PPFIA2: variants seen among roughly 807,000 people sequenced by gnomAD.
The protein encoded by PPFIA2 is liprin-alpha-2.
PPFIA2 carries 46 observed loss-of-function variants against 175.5 expected under a neutral mutation model. The ratio of observed to expected loss-of-function variants is 0.26; its 90% CI spans 0.21 to 0.34. The LOEUF (loss-of-function observed/expected upper bound fraction) is 0.34. PPFIA2 is among the 10% of genes least tolerant of loss of function. PPFIA2 has a pLI of 1.00. For missense variants in PPFIA2, 1,179 were observed against 1,506.1 expected (o/e 0.78, Z 3.60); for synonymous variants, 568 against 511.4 (o/e 1.11, Z -1.49).
intron 11 of PPFIA2, 185 bp from the exon 12 acceptor site, chr12:81,369,379 T>C (rs2141477259): frequency 6.9e-7 from 1 of 1,446,612 alleles, no homozygotes; most frequent in East Asian, 2.7e-5. Flanking sequence ...CAAAGGCCTG[T>C]TACATCCAAG....
intron 24 of PPFIA2, among the ~76,000 whole-genome samples, chr12:81,290,348 T>C (rs1041712493): frequency 1.3e-5 from 2 of 151,786 alleles, no homozygotes; most frequent in Non-Finnish European, 2.9e-5. Flanking sequence ...TCATTAATAG[T>C]GATTTATGTG....
intron 22 of PPFIA2, among the ~76,000 whole-genome samples, chr12:81,318,766 C>A (rs2052993988): frequency 6.6e-6 from 1 of 151,660 alleles, no homozygotes; most frequent in African/African-American, 2.4e-5. Context: ...GAGTTTTCGG[C>A]ACTTTTCTCA....
At chr12:81,394,557 A>T (rs1596016125) in intron 8 of PPFIA2, among the ~76,000 whole-genome samples, 1 of 152,066 alleles carries the variant, frequency 6.6e-6, no homozygotes. Flanking sequence ...CACAGGAACA[A>T]AAAACCAAAC....
chr12:81,415,191 AAAAAAAAAAAAAAAAAAAAATATAT>A (rs1211122417), intron 7 of PPFIA2, among the ~76,000 whole-genome samples: 7 of 43,178 alleles, frequency 1.6e-4, no homozygotes, highest in East Asian at 1.2e-3. Flanking sequence ...AAAAAAAAAA[AAAAAAAAAAAAAAAAAAAAATATAT>A]ATATATATAT....
Position 81,353,270 on chromosome 12 carries a change from C to G in PPFIA2, c.1843G>C (p.Glu615Gln). 2 of 1,613,748 alleles carry G rather than the reference C, an allele frequency of 1.2e-6. No individual in the cohort carries two copies. The highest frequency in any genetic ancestry group is 1.7e-6 in the Non-Finnish European group (2 of 1,179,802). ...QIGVLSSHPF[E>Q]SDTEMSDIDD... ...ATATCAGACATTTCAGTGTCACTTT[C>G]AAAAGGGTGGCTGCTTAGTACTCCA... Residue 615 changes from glutamate to glutamine, a missense_variant, in exon 17 of 33, where the codon GAA becomes CAA. By Grantham distance (29) the Glu-to-Gln change is conservative (BLOSUM62 2). Transcript: ENST00000549396.
intron 3 of PPFIA2, among the ~76,000 whole-genome samples, chr12:81,727,926 C>T (rs1217663004): frequency 6.6e-6 from 1 of 151,358 alleles, no homozygotes; most frequent in Admixed American, 6.6e-5. Flanking sequence ...GAAGTTACTA[C>T]CTATTTCTAT....
At chr12:81,371,315 ATTT>A (rs372760854) in intron 11 of PPFIA2, among the ~76,000 whole-genome samples, 142,242 of 142,526 alleles carry the variant, frequency 1, 70,979 homozygotes, top group Middle Eastern at 1. Context: ...TATTATTTAA[ATTT>A]TAGAGTAAGT....
intron 4 of PPFIA2, among the ~76,000 whole-genome samples, chr12:81,512,669 T>TATACTGTATA (rs2061942213): frequency 6.6e-6 from 1 of 152,030 alleles, no homozygotes; most frequent in African/African-American, 2.4e-5. Context: ...CAATATGTAG[T>TATACTGTATA]CTTTTTTCCC....
intron 4 of PPFIA2, among the ~76,000 whole-genome samples, chr12:81,666,614 G>A (rs2070350483): frequency 6.6e-6 from 1 of 152,072 alleles, no homozygotes. Flanking sequence ...CCTGTTGTGG[G>A]GTGGAGAGAG....
chr12:81,317,003 A>G (rs2052522546), intron 22 of PPFIA2, among the ~76,000 whole-genome samples: 1 of 151,690 alleles, frequency 6.6e-6, no homozygotes, highest in Non-Finnish European at 1.5e-5. Context: ...CAGTTTTTAC[A>G]TTAAAGGCTT....
Position 81,277,412 on chromosome 12 carries a change from G to C in PPFIA2, c.3215C>G (p.Thr1072Arg). ...GCACATAATTCCATATTGTAAACTT[G>C]TTCTTTTTTTTTTATTAAAAAAAAA... ...HLKMVDSFHRTSLQYGIMCLK... is the reference protein window; with the variant it reads ...HLKMVDSFHRRSLQYGIMCLK... Residue 1072 changes from threonine (T) to arginine (R), a missense_variant and splice_region_variant, in exon 28 of 33, where the codon ACA becomes AGA. By Grantham distance (71) the Thr-to-Arg change is moderately conservative. This residue lies in a region of PPFIA2 where 245 missense variants were observed against 375.1 expected (regional missense o/e 0.65). Coordinates refer to ENST00000549396, the MANE Select transcript of PPFIA2 (RefSeq NM_003625.5). 1 of 1,432,078 alleles carries C rather than the reference G, an allele frequency of 7.0e-7. No individual in the cohort carries two copies. Among genetic ancestry groups the C allele is most frequent in the Non-Finnish European group, 9.1e-7 (1 of 1,098,686 alleles). 88.7% of individuals were successfully genotyped at this position (1,432,078 alleles called of 1,614,324 possible).
chr12:81,525,938 C>G (rs1437649528), intron 4 of PPFIA2, among the ~76,000 whole-genome samples: 5 of 151,878 alleles, frequency 3.3e-5, no homozygotes, highest in Admixed American at 3.3e-4. Context: ...GAAATTTTCC[C>G]ACTATTCTAG....
intron 7 of PPFIA2, among the ~76,000 whole-genome samples, chr12:81,438,225 T>C (rs143592670): frequency 6.6e-6 from 1 of 152,130 alleles, no homozygotes; most frequent in Non-Finnish European, 1.5e-5. Flanking sequence ...ATCCCAGCAC[T>C]TTGGGAGGCC....
At chr12:81,490,026 T>C (rs1593855981) in intron 4 of PPFIA2, among the ~76,000 whole-genome samples, 1 of 151,894 alleles carries the variant, frequency 6.6e-6, no homozygotes, top group African/African-American at 2.4e-5. Context: ...ACTTAACCCA[T>C]TGTAACATTT....
intron 4 of PPFIA2, among the ~76,000 whole-genome samples, chr12:81,541,066 A>C (rs1801637597): frequency 6.6e-6 from 1 of 152,116 alleles, no homozygotes; most frequent in African/African-American, 2.4e-5. Flanking sequence ...ATATATTATC[A>C]TTATGTATTT....
chr12:81,282,801 T>C, intron 26 of PPFIA2: 3 of 399,550 alleles, frequency 7.5e-6, no homozygotes, highest in Non-Finnish European at 1.4e-5. Flanking sequence ...AGAGGTAAGG[T>C]ATGAAACGTC....
intron 8 of PPFIA2, among the ~76,000 whole-genome samples, chr12:81,403,209 C>T (rs1286373755): frequency 6.6e-6 from 1 of 152,158 alleles, no homozygotes; most frequent in Non-Finnish European, 1.5e-5. Flanking sequence ...AATTTCTTTT[C>T]TCCACTGGCT....
rs190168408 is a variant in PPFIA2 at position 81,593,136 on chromosome 12, T to C, written c.303+83655A>G. 3.3e-3 allele frequency among the ~76,000 whole-genome samples: 499 copies of C among 152,262 alleles called. 1 individual carries two copies. The highest frequency in any genetic ancestry group is 6.8e-3 in the Middle Eastern group (2 of 294). On this transcript the variant is annotated intron_variant, in intron 4 of 32. Transcript: ENST00000549396. ...ATCAGTCTCCTATTTCAGGTGCTAA[T>C]CCTATCTGCCAAGTATGAGACTATA...
intron 9 of PPFIA2, among the ~76,000 whole-genome samples, chr12:81,379,592 A>G (rs1170239061): frequency 6.6e-6 from 1 of 152,162 alleles, no homozygotes; most frequent in Non-Finnish European, 1.5e-5. Flanking sequence ...CACAATTAAT[A>G]ATCCTTTTGA....
Sources: allele counts gnomAD v4.1 joint callset (sites outside exome capture counted in the v4.1 genomes callset), GRCh38; gene constraint gnomAD v4.1.1; regional missense constraint gnomAD v4.1.1; transcripts MANE v1.5; gene names NCBI Gene and HGNC (gene_info 2026-07-23, HGNC 2026-07-21).